ADAMTSL1: variants seen among roughly 807,000 people sequenced by gnomAD.
ADAMTSL1 encodes ADAMTS-like protein 1.
In ADAMTSL1, 126 loss-of-function variants were observed where a neutral mutation model predicts 201.8. The ratio of observed to expected loss-of-function variants is 0.62; its 90% CI spans 0.54 to 0.72. The LOEUF (loss-of-function observed/expected upper bound fraction) is 0.72, where lower values mean the gene tolerates loss of function less well. Ranked by LOEUF, ADAMTSL1 falls within the 30% of genes least tolerant of loss-of-function variation. ADAMTSL1 has a pLI of 0.00. For synonymous variants in ADAMTSL1, 1,121 were observed against 903.4 expected (o/e 1.24, Z -4.32); for missense variants, 2,679 against 2,277.8 (o/e 1.18, Z -3.59).
chr9:18,437,967 T>A (rs927570219), intron 2 of ADAMTSL1, among the ~76,000 whole-genome samples: 17 of 151,872 alleles, frequency 1.1e-4, no homozygotes, highest in Admixed American at 5.2e-4. Context: ...TACACCCCTG[T>A]CTGCTAATGC....
chr9:18,817,294 G>T lies in ADAMTSL1; in HGVS notation c.3934+57G>T, dbSNP rs952881480. The T allele has an allele frequency of 2.7e-6, 4 of 1,508,362 alleles. No individual in the cohort carries two copies. The East Asian group carries it at 7.5e-5, about 28-fold the overall frequency. The allele number at this position is 1,508,362 out of a possible 1,614,324, so 93.4% of individuals were successfully genotyped here. ...TAATGGAGCCCTGTGCTAGGTTGGG[G>T]ATACAAAGACAAATTAGACACAAAT... On this transcript the variant is annotated intron_variant, in intron 21 of 28. Transcript: ENST00000380548.
At chr9:18,044,735 A>G (rs1174292430) in intron 1 of ADAMTSL1, among the ~76,000 whole-genome samples, 12 of 152,134 alleles carry the variant, frequency 7.9e-5, no homozygotes, top group Admixed American at 7.9e-4. Flanking sequence ...TGCAAATATT[A>G]TTTAGCCTTT....
chr9:18,169,986 G>C (rs766833086), intron 2 of ADAMTSL1, among the ~76,000 whole-genome samples: 1 of 151,982 alleles, frequency 6.6e-6, no homozygotes, highest in African/African-American at 2.4e-5. Flanking sequence ...AGGGAGACAA[G>C]AAGCATAGAT....
intron 2 of ADAMTSL1, among the ~76,000 whole-genome samples, chr9:18,358,712 C>G (rs577965754): frequency 1.3e-5 from 2 of 152,180 alleles, no homozygotes; most frequent in South Asian, 4.1e-4. Flanking sequence ...ATACTGCATT[C>G]CTTTTTATGC....
intron 1 of ADAMTSL1, among the ~76,000 whole-genome samples, chr9:17,977,777 T>G (rs1818514565): frequency 6.6e-6 from 1 of 152,104 alleles, no homozygotes; most frequent in Non-Finnish European, 1.5e-5. Flanking sequence ...TCTGCTGGTG[T>G]TCTTGAAGAA....
intron 2 of ADAMTSL1, among the ~76,000 whole-genome samples, chr9:18,191,737 A>T (rs553303848): frequency 6.6e-6 from 1 of 152,178 alleles, no homozygotes; most frequent in Non-Finnish European, 1.5e-5. Flanking sequence ...TAATTGTGGT[A>T]ACTGGCATCA....
rs536291673 is a variant in ADAMTSL1, at chr9:18,770,598, C to G, written c.2218-4C>G. 2 of 1,606,028 alleles carry G rather than the reference C, an allele frequency of 1.2e-6. No homozygotes were observed. Among genetic ancestry groups the G allele is most frequent in the African/African-American group, 1.3e-5 (1 of 74,698 alleles). On this transcript the variant is annotated splice_region_variant and splice_polypyrimidine_tract_variant and intron_variant, in intron 16 of 28. Coordinates refer to ENST00000380548, the MANE Select transcript of ADAMTSL1 (RefSeq NM_001040272.6). ...TTTTCTTCTTTCCTTCTTTCTTTCC[C>G]CAGTGTTCCAGAACGTGTGGCGGGG...
chr9:18,595,143 G>A (rs1824182021), intron 4 of ADAMTSL1, among the ~76,000 whole-genome samples: 1 of 152,190 alleles, frequency 6.6e-6, no homozygotes, highest in South Asian at 2.1e-4. Context: ...ATAGGGCTAT[G>A]TGGGAATGCT....
intron 2 of ADAMTSL1, among the ~76,000 whole-genome samples, chr9:18,279,946 A>T (rs867316070): frequency 6.6e-6 from 1 of 151,798 alleles, no homozygotes; most frequent in Non-Finnish European, 1.5e-5. Flanking sequence ...TCCTCAATCC[A>T]CGTGCTTGCC....
chr9:18,853,761 C>G (rs927290665), intron 23 of ADAMTSL1, among the ~76,000 whole-genome samples: 2 of 152,068 alleles, frequency 1.3e-5, no homozygotes, highest in African/African-American at 4.8e-5. Flanking sequence ...CTATCACTGT[C>G]TTAATTTTCT....
At chr9:18,443,421 G>A (rs1178631177) in intron 2 of ADAMTSL1, among the ~76,000 whole-genome samples, 1 of 152,184 alleles carries the variant, frequency 6.6e-6, no homozygotes. Context: ...ATCTGCAGGA[G>A]AAAACTGAAC....
chr9:17,982,928 C>T (rs1018511593), intron 1 of ADAMTSL1, among the ~76,000 whole-genome samples: 1 of 151,490 alleles, frequency 6.6e-6, no homozygotes, highest in African/African-American at 2.4e-5. Flanking sequence ...TGCATATTAC[C>T]ATTATATGAA....
intron 2 of ADAMTSL1, among the ~76,000 whole-genome samples, chr9:18,273,116 G>A (rs1306456058): frequency 2.0e-5 from 3 of 152,172 alleles, no homozygotes; most frequent in African/African-American, 7.2e-5. Flanking sequence ...GTCTCACTCT[G>A]TTACCCAGGC....
At chr9:18,877,556 G>T (rs1219364715) in intron 23 of ADAMTSL1, among the ~76,000 whole-genome samples, 1 of 152,194 alleles carries the variant, frequency 6.6e-6, no homozygotes, top group Non-Finnish European at 1.5e-5. Context: ...CTGAGGAGAG[G>T]CTGTGAAGAG....
At chr9:18,092,555 G>C (rs62549860) in intron 1 of ADAMTSL1, among the ~76,000 whole-genome samples, 1 of 152,108 alleles carries the variant, frequency 6.6e-6, no homozygotes, top group African/African-American at 2.4e-5. Context: ...AATGACTCCA[G>C]TGATACAGGA....
chr9:18,075,419 G>A (rs967393414), intron 1 of ADAMTSL1, among the ~76,000 whole-genome samples: 1 of 152,138 alleles, frequency 6.6e-6, no homozygotes, highest in African/African-American at 2.4e-5. Context: ...CCACAAGTAC[G>A]TTGGGACTCA....
At chr9:18,662,549 C>T (rs767833455) in intron 9 of ADAMTSL1, among the ~76,000 whole-genome samples, 1 of 152,180 alleles carries the variant, frequency 6.6e-6, no homozygotes, top group Non-Finnish European at 1.5e-5. Context: ...AGAGTCAAAA[C>T]AAGCCTTAGA....
intron 1 of ADAMTSL1, among the ~76,000 whole-genome samples, chr9:18,114,926 C>T (rs146067016): frequency 3.2e-4 from 49 of 152,288 alleles, no homozygotes; most frequent in Middle Eastern, 3.4e-3. Flanking sequence ...AGAGTTTGGA[C>T]ATAAGCCACC....
At position 18,868,589 on chromosome 9, in the gene ADAMTSL1, G is replaced by A. The variant is rs191795527; in HGVS notation, c.4250-19242G>A. 2.6e-5 allele frequency among the ~76,000 whole-genome samples: 4 copies of A among 152,224 alleles called. No individual in the cohort carries two copies. In the East Asian group the frequency reaches 7.7e-4, roughly 29 times the overall value. On this transcript the variant is annotated intron_variant, in intron 23 of 28. Transcript: ENST00000380548. ...CAACAATTACATTCCACTCTTGCTG[G>A]TCAGAACTCAAAGGCCTTCCAGCCC... is the stretch of plus-strand genomic sequence containing the variant.
Sources: gnomAD v4.1 joint callset for allele counts (sites outside exome capture counted in the v4.1 genomes callset) on GRCh38, gnomAD v4.1.1 for gene constraint, MANE v1.5 for transcripts, NCBI Gene and HGNC (gene_info 2026-07-23, HGNC 2026-07-21) for gene names.